The following SNTG1 variants were observed in gnomAD, a reference collection of about 807,000 sequenced individuals.
SNTG1 encodes the protein gamma-1-syntrophin.
SNTG1 carries 39 observed loss-of-function variants against 74.7 expected under a neutral mutation model. The observed-to-expected ratio is 0.52, with a 90% CI of 0.40 to 0.68. The LOEUF is 0.68. Ranked by LOEUF, SNTG1 falls within the 30% of genes least tolerant of loss-of-function variation. The probability of loss-of-function intolerance (pLI) is 0.00; values close to 1 mark genes in which losing one functional copy is unlikely to be tolerated. For synonymous variants in SNTG1, 254 were observed against 217.1 expected, an observed-to-expected ratio of 1.17 and a Z score of -1.49; for missense variants, 685 against 609.5, an observed-to-expected ratio of 1.12 and a Z score of -1.30.
At chr8:50,781,316 C>G (rs1017773384) in intron 18 of SNTG1, among the ~76,000 whole-genome samples, 1 of 151,944 alleles carries the variant, frequency 6.6e-6, no homozygotes, top group South Asian at 2.1e-4. Context: ...TTAAAGTCTC[C>G]CATTATTATT....
chr8:49,910,330 C>T (rs1204018553), upstream of SNTG1, among the ~76,000 whole-genome samples: 1 of 152,070 alleles, frequency 6.6e-6, no homozygotes, highest in East Asian at 1.9e-4. Context: ...CGCCCCTCAC[C>T]AGTCTTTCTC....
chr8:50,336,257 T>A (rs1375990406), intron 2 of SNTG1, among the ~76,000 whole-genome samples: 1 of 152,218 alleles, frequency 6.6e-6, no homozygotes, highest in Non-Finnish European at 1.5e-5. Flanking sequence ...GTAGACTCTT[T>A]CCAATTGAAA....
intron 15 of SNTG1, among the ~76,000 whole-genome samples, chr8:50,682,154 G>T (rs1508624): frequency 0.2 from 30,454 of 152,152 alleles, 3,151 homozygotes; most frequent in South Asian, 0.31. Flanking sequence ...GTGACTTGCA[G>T]ATGGAGTAAA....
intron 10 of SNTG1, among the ~76,000 whole-genome samples, chr8:50,535,222 A>G (rs1427273005): frequency 6.6e-6 from 1 of 152,200 alleles, no homozygotes; most frequent in Non-Finnish European, 1.5e-5. Flanking sequence ...ATAGTAAGAT[A>G]GAGACTACAA....
chr8:50,484,096 CTT>C (rs1312349941), intron 8 of SNTG1, among the ~76,000 whole-genome samples: 22 of 135,616 alleles, frequency 1.6e-4, no homozygotes, highest in African/African-American at 5.1e-4. Context: ...TTCTCTCTTT[CTT>C]TCTCTCTTTC....
At chr8:50,278,123 A>G (rs2088222299) in intron 2 of SNTG1, among the ~76,000 whole-genome samples, 2 of 152,168 alleles carry the variant, frequency 1.3e-5, no homozygotes. Flanking sequence ...CAATGAGCCA[A>G]GATCGCACCA....
intron 8 of SNTG1, among the ~76,000 whole-genome samples, chr8:50,493,503 G>C (rs2093876561): frequency 6.6e-6 from 1 of 152,118 alleles, no homozygotes. Context: ...CCTTCAATTA[G>C]TGTATTAAAT....
intron 15 of SNTG1, 107 bp from the exon 16 acceptor site, chr8:50,704,493 T>A: frequency 7.3e-7 from 1 of 1,369,172 alleles, no homozygotes; most frequent in Non-Finnish European, 1.0e-6. Flanking sequence ...ATTCGCAGAG[T>A]GTTGTCTTTT....
intron 1 of SNTG1, among the ~76,000 whole-genome samples, chr8:50,019,519 T>G (rs1366567350): frequency 1.3e-5 from 2 of 152,202 alleles, no homozygotes; most frequent in East Asian, 3.9e-4. Flanking sequence ...TCTGTATCTA[T>G]CTATGAAAAA....
chr8:50,407,842 T>C (rs1316189254), intron 4 of SNTG1, among the ~76,000 whole-genome samples: 2 of 152,218 alleles, frequency 1.3e-5, no homozygotes, highest in Non-Finnish European at 2.9e-5. Flanking sequence ...TGGGTTGTAC[T>C]GACTGGTTGG....
At chr8:50,410,054 A>G (rs1419190264) in intron 4 of SNTG1, among the ~76,000 whole-genome samples, 1 of 152,222 alleles carries the variant, frequency 6.6e-6, no homozygotes, top group African/African-American at 2.4e-5. Flanking sequence ...GTGAAACCAC[A>G]ATTTCCTGAA....
intron 13 of SNTG1, among the ~76,000 whole-genome samples, chr8:50,615,005 C>T (rs568543780): frequency 8.0e-4 from 119 of 147,898 alleles, no homozygotes; most frequent in African/African-American, 2.7e-3. Flanking sequence ...TACAGTGGTG[C>T]GACCTCGGCT....
intron 18 of SNTG1, among the ~76,000 whole-genome samples, chr8:50,771,573 A>G (rs973495173): frequency 6.6e-6 from 1 of 152,138 alleles, no homozygotes; most frequent in Non-Finnish European, 1.5e-5. Flanking sequence ...TAAAAAGAAA[A>G]GGCATGTTTG....
intron 18 of SNTG1, among the ~76,000 whole-genome samples, chr8:50,783,386 A>C (rs1164563957): frequency 1.3e-5 from 2 of 152,282 alleles, no homozygotes; most frequent in South Asian, 4.1e-4. Flanking sequence ...TTTACCTAAG[A>C]AAGCCTGGGC....
intron 1 of SNTG1, among the ~76,000 whole-genome samples, chr8:49,916,449 T>C (rs1484937153): frequency 6.6e-6 from 1 of 151,832 alleles, no homozygotes; most frequent in Non-Finnish European, 1.5e-5. Flanking sequence ...TCAAAAAGAG[T>C]GTCATTAAAT....
At chr8:49,964,805 A>T (rs981812002) in intron 1 of SNTG1, among the ~76,000 whole-genome samples, 7 of 152,200 alleles carry the variant, frequency 4.6e-5, no homozygotes, top group African/African-American at 1.4e-4. Flanking sequence ...GATCTCTTCC[A>T]AAAATTGTCT....
chr8:50,141,547 A>G (rs1314451504), intron 1 of SNTG1, among the ~76,000 whole-genome samples: 1 of 152,204 alleles, frequency 6.6e-6, no homozygotes, highest in Non-Finnish European at 1.5e-5. Flanking sequence ...TAGGAAGGTT[A>G]GCTAATTAAG....
At chr8:50,546,515 A>G (rs550676832) in intron 11 of SNTG1, among the ~76,000 whole-genome samples, 17 of 150,340 alleles carry the variant, frequency 1.1e-4, no homozygotes, top group African/African-American at 3.7e-4. Flanking sequence ...TATATCTCCT[A>G]ATGCTCTCCC....
chr8:50,603,047 T>C (rs1341499585), intron 13 of SNTG1, among the ~76,000 whole-genome samples: 2 of 152,102 alleles, frequency 1.3e-5, no homozygotes, highest in African/African-American at 2.4e-5. Flanking sequence ...TACTTGAATG[T>C]TATCTTTCTC....
Sources: allele counts gnomAD v4.1 joint callset (sites outside exome capture counted in the v4.1 genomes callset), GRCh38; gene constraint gnomAD v4.1.1; transcripts MANE v1.5; gene names NCBI Gene and HGNC (gene_info 2026-07-23, HGNC 2026-07-21).